The following SLC25A48 variants were observed in gnomAD, a reference collection of about 807,000 sequenced individuals.
SLC25A48 encodes the protein CTC-321K16.1.
Under a neutral mutation model 32.2 loss-of-function variants are expected in SLC25A48, and 29 were observed. The observed-to-expected ratio is 0.90, with a 90% CI of 0.67 to 1.23. The LOEUF is 1.23. SLC25A48 is among the 50% of genes most tolerant of loss of function. The pLI, the probability that SLC25A48 is intolerant of heterozygous loss-of-function variation, is 0.00. For missense variants in SLC25A48, 399 were observed against 422.7 expected, an observed-to-expected ratio of 0.94 and a Z score of 0.49; for synonymous variants, 164 against 172.3, an observed-to-expected ratio of 0.95 and a Z score of 0.38.
intron 3 of SLC25A48, among the ~76,000 whole-genome samples, chr5:135,724,183 T>C (rs1370826991): frequency 2.0e-5 from 3 of 152,264 alleles, no homozygotes; most frequent in African/African-American, 7.2e-5. Context: ...CTGCCATTTA[T>C]TGAGCGTTTT....
At chr5:135,756,128 G>C (rs1755896174) in intron 3 of SLC25A48, among the ~76,000 whole-genome samples, 1 of 151,724 alleles carries the variant, frequency 6.6e-6, no homozygotes, top group Admixed American at 6.6e-5. Flanking sequence ...AAATATTGCT[G>C]TGATATTTAT....
intron 3 of SLC25A48, among the ~76,000 whole-genome samples, chr5:135,767,841 G>A (rs897998455): frequency 2.6e-5 from 4 of 151,028 alleles, no homozygotes; most frequent in African/African-American, 9.8e-5. Context: ...TCCCAATATC[G>A]CAGAGTTTGT....
chr5:135,613,739 T>G (rs1023681494), intron 1 of SLC25A48, among the ~76,000 whole-genome samples: 1 of 152,216 alleles, frequency 6.6e-6, no homozygotes, highest in African/African-American at 2.4e-5. Context: ...TTGTTGAAAA[T>G]CAGTTGACTG....
chr5:135,820,480 C>T (rs1213519290), intron 4 of SLC25A48, among the ~76,000 whole-genome samples: 1 of 152,154 alleles, frequency 6.6e-6, no homozygotes, highest in East Asian at 1.9e-4. Flanking sequence ...AATTCATGAA[C>T]AGCACACTTT....
intron 2 of SLC25A48, among the ~76,000 whole-genome samples, chr5:135,843,747 G>T (rs1759193579): frequency 6.6e-6 from 1 of 152,218 alleles, no homozygotes; most frequent in Admixed American, 6.5e-5. Context: ...AACAGGCTGC[G>T]ATGTACATTC....
chr5:135,619,633 G>A (rs1752273944), intron 1 of SLC25A48, among the ~76,000 whole-genome samples: 1 of 152,136 alleles, frequency 6.6e-6, no homozygotes, highest in Non-Finnish European at 1.5e-5. Context: ...CCAATGTTTT[G>A]AATTTGCTTT....
At chr5:135,775,900 C>T (rs572940190) in intron 3 of SLC25A48, among the ~76,000 whole-genome samples, 20 of 151,456 alleles carry the variant, frequency 1.3e-4, no homozygotes, top group Admixed American at 4.0e-4. Context: ...GATGGTATTA[C>T]GATCAATATC....
At chr5:135,768,541 G>A (rs751625764) in intron 3 of SLC25A48, among the ~76,000 whole-genome samples, 5 of 151,290 alleles carry the variant, frequency 3.3e-5, no homozygotes, top group Non-Finnish European at 5.9e-5. Flanking sequence ...TCTTAATATC[G>A]CAGGGGGTAT....
intron 3 of SLC25A48, among the ~76,000 whole-genome samples, chr5:135,712,022 A>G (rs17737320): frequency 0.38 from 56,856 of 151,438 alleles, 12,469 homozygotes; most frequent in Non-Finnish European, 0.49. Context: ...CTGCTTGAAA[A>G]CTTCCCACGT....
chr5:135,597,907 G>A (rs1049672631), intron 1 of SLC25A48, among the ~76,000 whole-genome samples: 3 of 152,166 alleles, frequency 2.0e-5, no homozygotes, highest in African/African-American at 7.2e-5. Context: ...GGGAGGCTGA[G>A]GCAGGAGAAT....
At chr5:135,880,717 G>T (rs577876272) in intron 7 of SLC25A48, among the ~76,000 whole-genome samples, 1 of 151,638 alleles carries the variant, frequency 6.6e-6, no homozygotes, top group Non-Finnish European at 1.5e-5. Context: ...CCCTGCTTCC[G>T]CCAGCCTCAC....
chr5:135,827,962 C>CTCGGA (rs1758107133), intron 4 of SLC25A48, among the ~76,000 whole-genome samples: 1 of 152,196 alleles, frequency 6.6e-6, no homozygotes, highest in Non-Finnish European at 1.5e-5. Flanking sequence ...CCTTGTGCAG[C>CTCGGA]CCAAGCAGGG....
intron 3 of SLC25A48, among the ~76,000 whole-genome samples, chr5:135,680,856 A>C (rs1011320362): frequency 1.3e-5 from 2 of 152,136 alleles, no homozygotes; most frequent in African/African-American, 2.4e-5. Context: ...TTTTTTGTCC[A>C]TCCTCTCTCT....
chr5:135,855,284 T>C (rs1280283047), intron 4 of SLC25A48, among the ~76,000 whole-genome samples: 1 of 152,144 alleles, frequency 6.6e-6, no homozygotes, highest in African/African-American at 2.4e-5. Flanking sequence ...TTGTAAAAAA[T>C]GAAATATCTG....
intron 3 of SLC25A48, among the ~76,000 whole-genome samples, chr5:135,753,922 A>C (rs527347511): frequency 1.3e-5 from 2 of 152,014 alleles, no homozygotes; most frequent in Non-Finnish European, 2.9e-5. Context: ...CAGGGTGTAC[A>C]TGCCAGTTGT....
chr5:135,648,119 A>C (rs1262760172), intron 3 of SLC25A48, among the ~76,000 whole-genome samples: 1 of 152,154 alleles, frequency 6.6e-6, no homozygotes, highest in Non-Finnish European at 1.5e-5. Flanking sequence ...CAACCCCCAA[A>C]TTAGTGCAGA....
chr5:135,651,385 G>A (rs1753108151), intron 3 of SLC25A48, among the ~76,000 whole-genome samples: 1 of 152,214 alleles, frequency 6.6e-6, no homozygotes, highest in African/African-American at 2.4e-5. Context: ...TCCCTCAGGT[G>A]ACTGTACAGT....
At chr5:135,859,413 A>G (rs1274466703) in intron 4 of SLC25A48, among the ~76,000 whole-genome samples, 2 of 152,144 alleles carry the variant, frequency 1.3e-5, no homozygotes, top group African/African-American at 4.8e-5. Context: ...ATTACCTCCT[A>G]CCAGATCCCT....
At position 135,677,502 on chromosome 5, in the gene SLC25A48, A is replaced by G. The variant is rs114241309; in HGVS notation, c.-521+42546A>G. On this transcript the variant is annotated intron_variant, in intron 3 of 10. Coordinates refer to the SLC25A48 transcript ENST00000646290. Reference sequence around the variant, plus strand: ...TAATTGTTGTCTGGTTGTTTTGTGTATTTTTATTCCTTTCTTTTTCTCTTA... The same window carrying G: ...TAATTGTTGTCTGGTTGTTTTGTGTGTTTTTATTCCTTTCTTTTTCTCTTA... 2.3e-3 allele frequency among the ~76,000 whole-genome samples: 345 copies of G among 151,718 alleles called. 2 individuals are homozygous for G. The highest frequency in any genetic ancestry group is 8.0e-3 in the African/African-American group (331 of 41,410).
Sources: allele counts gnomAD v4.1 joint callset (sites outside exome capture counted in the v4.1 genomes callset), GRCh38; gene constraint gnomAD v4.1.1; transcripts MANE v1.5; gene names NCBI Gene and HGNC (gene_info 2026-07-23, HGNC 2026-07-21).